The following PAH variants were observed in gnomAD, a reference collection of about 807,000 sequenced individuals.
The protein encoded by PAH is phenylalanine-4-hydroxylase.
PAH carries 64 observed loss-of-function variants against 62.0 expected under a neutral mutation model. The ratio of observed to expected loss-of-function variants is 1.03; its 90% CI spans 0.84 to 1.27. The LOEUF (loss-of-function observed/expected upper bound fraction) is 1.27, where lower values mean the gene tolerates loss of function less well. Ranked by LOEUF, PAH falls within the 50% of genes most tolerant of loss-of-function variation. The pLI is 0.00. For missense variants in PAH, 579 were observed against 542.8 expected, an observed-to-expected ratio of 1.07 and a Z score of -0.66; for synonymous variants, 195 against 196.2, an observed-to-expected ratio of 0.99 and a Z score of 0.05.
intron 1 of PAH, among the ~76,000 whole-genome samples, chr12:102,949,776 G>T (rs1593007416): frequency 6.6e-6 from 1 of 152,284 alleles, no homozygotes; most frequent in African/African-American, 2.4e-5. Context: ...TGGGGTGGGA[G>T]ATGCAGGAAG....
At chr12:102,877,866 C>T (rs1370308070) in intron 3 of PAH, among the ~76,000 whole-genome samples, 1 of 152,154 alleles carries the variant, frequency 6.6e-6, no homozygotes, top group Non-Finnish European at 1.5e-5. Context: ...TTCTGTCACC[C>T]AGGCTGGAGT....
At chr12:102,862,197 T>A (rs1565851420) in intron 5 of PAH, among the ~76,000 whole-genome samples, 1 of 152,168 alleles carries the variant, frequency 6.6e-6, no homozygotes, top group Non-Finnish European at 1.5e-5. Flanking sequence ...ATGTTGTACA[T>A]ATACACCATG....
At chr12:102,890,954 G>A (rs542576500) in intron 3 of PAH, among the ~76,000 whole-genome samples, 9 of 152,232 alleles carry the variant, frequency 5.9e-5, no homozygotes, top group African/African-American at 2.2e-4. Flanking sequence ...GTGGTGTCAT[G>A]TGCCTGTAAT....
chr12:102,901,252 T>C (rs1445888557), intron 2 of PAH, among the ~76,000 whole-genome samples: 2 of 152,190 alleles, frequency 1.3e-5, no homozygotes, highest in African/African-American at 4.8e-5. Context: ...GATAATGGTA[T>C]CTTGCAAGTA....
chr12:102,899,442 T>A (rs1877645957), intron 2 of PAH, among the ~76,000 whole-genome samples: 1 of 152,216 alleles, frequency 6.6e-6, no homozygotes, highest in South Asian at 2.1e-4. Context: ...GCTAGAGATT[T>A]AACTTATGGG....
chr12:102,947,780 G>T (rs996728568), intron 1 of PAH, among the ~76,000 whole-genome samples: 2 of 152,196 alleles, frequency 1.3e-5, no homozygotes, highest in African/African-American at 4.8e-5. Context: ...TAAGAAATTA[G>T]ATGTAGATGG....
chr12:102,854,646 A>T, intron 6 of PAH: 1 of 219,460 alleles, frequency 4.6e-6, no homozygotes, highest in African/African-American at 2.3e-5. Context: ...CATTTGACAG[A>T]TGACAAAACT....
intron 2 of PAH, among the ~76,000 whole-genome samples, chr12:102,906,749 A>G (rs926068398): frequency 5.3e-5 from 8 of 152,194 alleles, no homozygotes; most frequent in African/African-American, 1.9e-4. Flanking sequence ...TACGATTACT[A>G]TTTCCATTTT....
chr12:102,925,175 T>C (rs1878653906), intron 1 of PAH, among the ~76,000 whole-genome samples: 1 of 152,294 alleles, frequency 6.6e-6, no homozygotes. Context: ...GGAGAAGTAG[T>C]CTGTGCAATA....
Position 102,875,052 on chromosome 12 carries a change from CG to C in PAH, c.441+2409del, listed in dbSNP as rs577254752. On this transcript the variant is annotated intron_variant, in intron 4 of 12. Coordinates refer to ENST00000553106, the MANE Select transcript of PAH (RefSeq NM_000277.3). ...ACACTGAGGCCAGGCCTGTGGGCCCCGGGGTCTCTGGGAAAGCACGCTGGAG... is the reference window on the plus strand; with the variant it reads ...ACACTGAGGCCAGGCCTGTGGGCCCCGGGTCTCTGGGAAAGCACGCTGGAG... Among the ~76,000 whole-genome samples, 338 of 152,274 alleles carry C rather than the reference CG, an allele frequency of 2.2e-3. 1 individual carries two copies. The highest frequency in any genetic ancestry group is 7.8e-3 in the African/African-American group (326 of 41,542).
chr12:102,902,734 A>G (rs1471999146), intron 2 of PAH, among the ~76,000 whole-genome samples: 4 of 152,202 alleles, frequency 2.6e-5, no homozygotes, highest in Non-Finnish European at 5.9e-5. Flanking sequence ...AGTCTGGAGG[A>G]GGAGATCTTG....
intron 4 of PAH, among the ~76,000 whole-genome samples, chr12:102,873,691 T>C (rs1488811568): frequency 6.6e-6 from 1 of 152,192 alleles, no homozygotes; most frequent in African/African-American, 2.4e-5. Context: ...AATTATATAC[T>C]AGTTATTATC....
chr12:102,858,760 G>A lies in PAH; in HGVS notation c.510-3428C>T, dbSNP rs150463112. Among the ~76,000 whole-genome samples the A allele has an allele frequency of 9.4e-3, 1,433 of 152,270 alleles. 31 individuals carry two copies. The highest frequency in any genetic ancestry group is 0.033 in the African/African-American group (1,381 of 41,526). On this transcript the variant is annotated intron_variant, in intron 5 of 12. Transcript: ENST00000553106. ...ACGAAATGAAGGCAGAGATAAAGAC[G>A]TTCTTTGAAACCAATGAGAACAAAG...
intron 5 of PAH, among the ~76,000 whole-genome samples, chr12:102,860,835 A>C (rs1398029781): frequency 6.6e-6 from 1 of 152,232 alleles, no homozygotes; most frequent in Non-Finnish European, 1.5e-5. Context: ...AAATTAATTC[A>C]AGATGGATTA....
At chr12:102,867,696 AGT>A (rs1876038146) in intron 4 of PAH, among the ~76,000 whole-genome samples, 1 of 151,934 alleles carries the variant, frequency 6.6e-6, no homozygotes, top group Non-Finnish European at 1.5e-5. Context: ...TATGTCACAG[AGT>A]GTAATGTTTA....
intron 2 of PAH, among the ~76,000 whole-genome samples, chr12:102,895,869 A>AAAAAATATATATATATAT (rs953209518): frequency 8.4e-5 from 10 of 118,738 alleles, no homozygotes; most frequent in African/African-American, 3.6e-4. Context: ...AAAAAAAAAA[A>AAAAAATATATATATATAT]ATATATATAT....
chr12:102,840,557 G>A, intron 11 of PAH, 42 bp from the exon 12 acceptor site: 1 of 1,320,194 alleles, frequency 7.6e-7, no homozygotes, highest in Non-Finnish European at 1.1e-6. Context: ...GCACCATTTG[G>A]AGAAAGGTAG....
intron 3 of PAH, among the ~76,000 whole-genome samples, chr12:102,883,732 G>A (rs1386068846): frequency 6.6e-6 from 1 of 152,078 alleles, no homozygotes; most frequent in Non-Finnish European, 1.5e-5. Context: ...GTGGCTTCAG[G>A]ACCCCATCAT....
At chr12:102,870,014 T>C (rs1310369168) in intron 4 of PAH, among the ~76,000 whole-genome samples, 1 of 151,860 alleles carries the variant, frequency 6.6e-6, no homozygotes, top group Non-Finnish European at 1.5e-5. Context: ...GACAGGAAAA[T>C]ATATTGTTGG....
Sources: gnomAD v4.1 joint callset for allele counts (sites outside exome capture counted in the v4.1 genomes callset) on GRCh38, gnomAD v4.1.1 for gene constraint, MANE v1.5 for transcripts, NCBI Gene and HGNC (gene_info 2026-07-23, HGNC 2026-07-21) for gene names.